Variants in HS3ST1 observed in about 807,000 individuals in gnomAD.
The protein encoded by HS3ST1 is heparan sulfate glucosamine 3-O-sulfotransferase 1.
A neutral mutation model predicts 20.7 loss-of-function variants in HS3ST1; 8 were observed. The observed-to-expected ratio is 0.39, with a 90% CI of 0.23 to 0.70. HS3ST1 has a LOEUF of 0.70. Ranked by LOEUF, HS3ST1 falls within the 30% of genes least tolerant of loss-of-function variation. HS3ST1 has a pLI of 0.46. For synonymous variants in HS3ST1, 205 were observed against 190.4 expected, an observed-to-expected ratio of 1.08 and a Z score of -0.63; for missense variants, 436 against 423.4, an observed-to-expected ratio of 1.03 and a Z score of -0.26.
chr4:11,413,437 G>T (rs1718688538), intron 1 of HS3ST1, among the ~76,000 whole-genome samples: 1 of 152,042 alleles, frequency 6.6e-6, no homozygotes, highest in Non-Finnish European at 1.5e-5. Flanking sequence ...CTAGTTTCCT[G>T]GTTTGTGCCA....
At position 11,408,733 on chromosome 4, in the gene HS3ST1, G is replaced by C. The variant is rs1169892661; in HGVS notation, c.-108-8620C>G. 4.6e-5 allele frequency among the ~76,000 whole-genome samples: 7 copies of C among 152,372 alleles called. No individual in the cohort carries two copies. The East Asian group carries it at 1.4e-3, about 29-fold the overall frequency. ...AGCAGAGCTCCGTGACAGGAGGGCG[G>C]ACAGACGGGGCTTCTCTTATTACTC... On this transcript the variant is annotated intron_variant, in intron 1 of 1. Transcript: ENST00000002596.
chr4:11,416,794 G>A (rs1718794527), intron 1 of HS3ST1, among the ~76,000 whole-genome samples: 2 of 152,196 alleles, frequency 1.3e-5, no homozygotes, highest in African/African-American at 4.8e-5. Flanking sequence ...AGGAAAGCAT[G>A]TCCCATCAAG....
intron 1 of HS3ST1, among the ~76,000 whole-genome samples, chr4:11,416,616 C>G (rs951209250): frequency 3.9e-5 from 6 of 152,140 alleles, no homozygotes; most frequent in African/African-American, 1.4e-4. Flanking sequence ...TCGAGTCTCT[C>G]AGAGAGGCAG....
intron 1 of HS3ST1, chr4:11,428,423 CAACCCAG>C (rs372692423): frequency 5.3e-5 from 8 of 152,378 alleles, no homozygotes; most frequent in African/African-American, 1.9e-4. Flanking sequence ...GGAAAACATC[CAACCCAG>C]TAAGAGTCAG....
chr4:11,399,403 C>G lies in HS3ST1; in HGVS notation c.603G>C (p.Gln201His), dbSNP rs754333164. ...LNRSLYHVHM[Q>H]NWLRFFPLRH... ...GCAGCGGGAAAAAGCGCAGCCAGTT[C>G]TGCATGTGCACGTGGTAGAGGCTGC... The change falls in exon 2 of 2, where the codon CAG (glutamine) becomes CAC (histidine). Residue 201 changes from glutamine to histidine, a missense_variant. By Grantham distance (24) the Gln-to-His change is conservative. Coordinates refer to ENST00000002596, the MANE Select transcript of HS3ST1 (RefSeq NM_005114.4). This position sits in a 1 kb window ranked among gnomAD's most constrained non-coding sequence, Gnocchi z 5.1. The G allele has an allele frequency of 1.2e-6, 2 of 1,613,986 alleles. No homozygotes were observed. The highest frequency in any genetic ancestry group is 1.7e-6 in the Non-Finnish European group (2 of 1,179,982).
chr4:11,424,894 G>T (rs1163953504), intron 1 of HS3ST1, among the ~76,000 whole-genome samples: 1 of 152,070 alleles, frequency 6.6e-6, no homozygotes, highest in South Asian at 2.1e-4. Context: ...TGAAGGGAAG[G>T]TTGTGTTCCC....
At chr4:11,404,417 A>G (rs929768897) in intron 1 of HS3ST1, among the ~76,000 whole-genome samples, 10 of 152,230 alleles carry the variant, frequency 6.6e-5, no homozygotes, top group African/African-American at 1.4e-4. Context: ...ATCCAAGTGC[A>G]TATATATTTC....
upstream of HS3ST1, among the ~76,000 whole-genome samples, chr4:11,433,948 G>A (rs1711529792): frequency 6.6e-6 from 1 of 152,192 alleles, no homozygotes; most frequent in African/African-American, 2.4e-5. Flanking sequence ...CTCTTACTCT[G>A]AACTCTCAAC....
upstream of HS3ST1, among the ~76,000 whole-genome samples, chr4:11,431,243 A>C (rs918578093): frequency 6.6e-6 from 1 of 151,950 alleles, no homozygotes; most frequent in African/African-American, 2.4e-5. Flanking sequence ...AAAAAAAAAA[A>C]AAAAAAACTT....
In HS3ST1 at chr4:11,394,418, A is replaced by T. The variant is rs1718083937; in HGVS notation, c.*4664T>A. 6.6e-6 allele frequency: 1 copy of T among 152,216 alleles called. No homozygotes were observed. The highest frequency in any genetic ancestry group is 2.4e-5 in the African/African-American group (1 of 41,436). 9.4% of individuals were successfully genotyped at this position (152,216 alleles called of 1,614,324 possible). On this transcript the variant is annotated 3_prime_UTR_variant, in exon 2 of 2. Transcript: ENST00000002596. Reference sequence around the variant, plus strand: ...TTTAGTGAAGCAGCTAAATCCGATGATGTCCTCTTTAGCTTTGGCCTTCTC... The same window carrying T: ...TTTAGTGAAGCAGCTAAATCCGATGTTGTCCTCTTTAGCTTTGGCCTTCTC...
At position 11,399,415 on chromosome 4, in the gene HS3ST1, G is replaced by C. The variant is rs138931078; in HGVS notation, c.591C>G (p.His197Gln). 5 of 1,613,986 alleles carry C rather than the reference G, an allele frequency of 3.1e-6. No homozygotes were observed. Among genetic ancestry groups the C allele is most frequent in the Non-Finnish European group, 4.2e-6 (5 of 1,179,986 alleles). The part of the protein sequence containing the change: ...DYKALNRSLY[H>Q]VHMQNWLRFF... ...AGCGCAGCCAGTTCTGCATGTGCAC[G>C]TGGTAGAGGCTGCGGTTGAGGGCCT... Residue 197 changes from histidine (H) to glutamine (Q), a missense_variant, in exon 2 of 2, where the codon CAC becomes CAG. By Grantham distance (24) the His-to-Gln change is conservative. Coordinates refer to ENST00000002596, the MANE Select transcript of HS3ST1 (RefSeq NM_005114.4). The surrounding 1 kb of genome is among the most constrained non-coding windows in gnomAD (Gnocchi z 5.1).
At chr4:11,427,979 C>T (rs1012011032) in intron 1 of HS3ST1, among the ~76,000 whole-genome samples, 1 of 152,216 alleles carries the variant, frequency 6.6e-6, no homozygotes, top group South Asian at 2.1e-4. Flanking sequence ...GAGCTGGGGT[C>T]TAGGCGTTCC....
chr4:11,404,098 G>A (rs1268056759), intron 1 of HS3ST1, among the ~76,000 whole-genome samples: 1 of 152,138 alleles, frequency 6.6e-6, no homozygotes, highest in Non-Finnish European at 1.5e-5. Context: ...AGGCTGGAGT[G>A]CAGTGACATG....
upstream of HS3ST1, chr4:11,429,676 G>C (rs1286618157): frequency 9.0e-5 from 2 of 22,344 alleles, no homozygotes; most frequent in African/African-American, 1.5e-4. Flanking sequence ...TTTTTTTTCC[G>C]CTAGTGCACT....
At chr4:11,400,194 T>G in intron 1 of HS3ST1, 81 bp from the exon 2 acceptor site, 1 of 1,228,258 alleles carries the variant, frequency 8.1e-7, no homozygotes, top group Admixed American at 3.2e-5. Flanking sequence ...CACTCTGTAG[T>G]GAGGCCTATA....
In HS3ST1 at chr4:11,398,937, CA is replaced by C. The variant is rs1290981983; in HGVS notation, c.*144del. ...AGAAAAATATAACTAGTATATATGG[CA>C]ATTGTGAATCTAATACTGTACAGAA... is the stretch of plus-strand genomic sequence containing the variant. On this transcript the variant is annotated 3_prime_UTR_variant, in exon 2 of 2. Coordinates refer to ENST00000002596, the MANE Select transcript of HS3ST1 (RefSeq NM_005114.4). 14 of 673,454 alleles carry C rather than the reference CA, an allele frequency of 2.1e-5. 1 individual carries two copies. In the South Asian group the frequency reaches 2.8e-4, roughly 14 times the overall value. The allele number at this position is 673,454 out of a possible 1,614,324, so 41.7% of individuals were successfully genotyped here.
At chr4:11,405,518 G>A (rs2108882462) in intron 1 of HS3ST1, among the ~76,000 whole-genome samples, 1 of 152,224 alleles carries the variant, frequency 6.6e-6, no homozygotes, top group East Asian at 1.9e-4. Context: ...CTCGGGCCTG[G>A]CATGATTTCT....
chr4:11,408,979 G>T (rs1423855706), intron 1 of HS3ST1, among the ~76,000 whole-genome samples: 1 of 152,222 alleles, frequency 6.6e-6, no homozygotes, highest in Admixed American at 6.5e-5. Context: ...TAACCCAGAA[G>T]TGGTCAGGAA....
intron 1 of HS3ST1, among the ~76,000 whole-genome samples, chr4:11,426,150 G>C (rs928634782): frequency 3.9e-5 from 6 of 152,120 alleles, no homozygotes; most frequent in South Asian, 2.1e-4. Context: ...ATCTTACTGT[G>C]CCTTCCTCCA....
Sources: gnomAD v4.1 joint callset for allele counts (sites outside exome capture counted in the v4.1 genomes callset) on GRCh38, gnomAD v4.1.1 for gene constraint, Gnocchi (gnomAD v3.1) non-coding constraint, MANE v1.5 for transcripts, NCBI Gene and HGNC (gene_info 2026-07-23, HGNC 2026-07-21) for gene names.